The following MAN1C1 variants were observed in gnomAD, a reference collection of about 807,000 sequenced individuals.
MAN1C1 encodes mannosidase alpha class 1C member 1, also known as mannosyl-oligosaccharide 1,2-alpha-mannosidase IC.
Under a neutral mutation model 71.5 loss-of-function variants are expected in MAN1C1, and 49 were observed. That is an observed-to-expected ratio of 0.69 (90% confidence interval 0.54 to 0.87). The LOEUF (loss-of-function observed/expected upper bound fraction) is 0.87. Among genes scored for constraint, MAN1C1 ranks in the 40% least tolerant of loss-of-function variants. MAN1C1 has a pLI of 0.00. For missense variants in MAN1C1, 743 were observed against 835.0 expected (o/e 0.89, Z 1.36); for synonymous variants, 352 against 343.7 (o/e 1.02, Z -0.27).
chr1:25,727,057 CA>C (rs1296488696), intron 2 of MAN1C1, among the ~76,000 whole-genome samples: 8 of 145,826 alleles, frequency 5.5e-5, no homozygotes, highest in Admixed American at 1.4e-4. Context: ...ACCCTGTTTC[CA>C]AAAAAAAAAG....
At chr1:25,724,710 C>A (rs552869171) in intron 2 of MAN1C1, among the ~76,000 whole-genome samples, 19 of 152,290 alleles carry the variant, frequency 1.2e-4, no homozygotes, top group Admixed American at 8.5e-4. Context: ...GGCTCCGGAA[C>A]AGAGCACACC....
chr1:25,713,925 C>G (rs2046646306), intron 2 of MAN1C1, among the ~76,000 whole-genome samples: 1 of 152,206 alleles, frequency 6.6e-6, no homozygotes, highest in Admixed American at 6.5e-5. Context: ...TTAAATCAAC[C>G]TTCGTGTTTC....
rs139431621 is a variant in MAN1C1, at chr1:25,735,238, C to T, written c.638-11430C>T. On this transcript the variant is annotated intron_variant, in intron 2 of 11. Coordinates refer to ENST00000374332, the MANE Select transcript of MAN1C1 (RefSeq NM_020379.4). This position sits in a 1 kb window ranked among gnomAD's most constrained non-coding sequence, Gnocchi z 4.6. ...TTTGAGACAAGCCTGGCCAACATGGCGAATCCCCACCTCTGCCAAAAACAC... is the reference window on the plus strand; with the variant it reads ...TTTGAGACAAGCCTGGCCAACATGGTGAATCCCCACCTCTGCCAAAAACAC... 4.6e-4 allele frequency among the ~76,000 whole-genome samples: 70 copies of T among 152,242 alleles called. 1 individual carries two copies. In the East Asian group the frequency reaches 0.013, roughly 29 times the overall value.
chr1:25,673,990 T>C (rs1049596223), intron 1 of MAN1C1, among the ~76,000 whole-genome samples: 3 of 152,224 alleles, frequency 2.0e-5, no homozygotes, highest in African/African-American at 7.2e-5. Context: ...CCACTGTCAC[T>C]CATCTTTGTC....
chr1:25,770,142 T>C (rs2047530573), intron 7 of MAN1C1, among the ~76,000 whole-genome samples: 1 of 152,150 alleles, frequency 6.6e-6, no homozygotes, highest in South Asian at 2.1e-4. Flanking sequence ...GCCCAGCCCT[T>C]CTCTTCTGTG....
At chr1:25,717,488 G>A (rs902034739) in intron 2 of MAN1C1, among the ~76,000 whole-genome samples, 4 of 152,056 alleles carry the variant, frequency 2.6e-5, no homozygotes, top group Non-Finnish European at 4.4e-5. Context: ...ATACTACTGC[G>A]GTCCAACCTA....
At chr1:25,727,165 G>C (rs931950338) in intron 2 of MAN1C1, among the ~76,000 whole-genome samples, 13 of 152,306 alleles carry the variant, frequency 8.5e-5, no homozygotes, top group African/African-American at 2.9e-4. Flanking sequence ...TTACTACCCA[G>C]TGGACTAGCT....
At chr1:25,701,372 G>T (rs531710229) in intron 2 of MAN1C1, among the ~76,000 whole-genome samples, 1 of 152,354 alleles carries the variant, frequency 6.6e-6, no homozygotes, top group Non-Finnish European at 1.5e-5. Flanking sequence ...ACCCCTTCCT[G>T]TGAGTTTCAT....
rs6688790 is a variant in MAN1C1, at chr1:25,782,215, C to T, written c.1651-370C>T. Among the ~76,000 whole-genome samples the T allele has an allele frequency of 0.55, 84,259 of 152,052 alleles. 24,717 individuals carry two copies. Among genetic ancestry groups the T allele is most frequent in the Middle Eastern group, 0.78 (228 of 294 alleles). On this transcript the variant is annotated intron_variant, in intron 10 of 11. Transcript: ENST00000374332. This position sits in a 1 kb window ranked among gnomAD's most constrained non-coding sequence, Gnocchi z 4.4. The stretch of plus-strand genomic sequence containing the variant: ...CAAATCCCAGCCCATGGCCATCACC[C>T]GTGGCTTCTCTTCACCTCTGCCTAC...
intron 5 of MAN1C1, among the ~76,000 whole-genome samples, chr1:25,756,003 CACTT>C (rs1488798415): frequency 1.3e-5 from 2 of 152,188 alleles, no homozygotes; most frequent in East Asian, 3.9e-4. Context: ...TCAGTTCTAC[CACTT>C]ACTCTGTGGC....
Position 25,753,803 on chromosome 1 carries a change from C to T in MAN1C1, c.929+225C>T, listed in dbSNP as rs901755624. 3.9e-5 allele frequency among the ~76,000 whole-genome samples: 6 copies of T among 152,246 alleles called. 1 individual carries two copies. Among genetic ancestry groups the T allele is most frequent in the Middle Eastern group, 6.8e-3 (2 of 294 alleles). On this transcript the variant is annotated intron_variant, in intron 5 of 11. Transcript: ENST00000374332. This position sits in a 1 kb window ranked among gnomAD's most constrained non-coding sequence, Gnocchi z 4.9. ...TGGGAGCCACAGTGAGTCGGTGGCACGGTGAAAGTGCCAGCGACTTCCCTG... is the reference window on the plus strand; with the variant it reads ...TGGGAGCCACAGTGAGTCGGTGGCATGGTGAAAGTGCCAGCGACTTCCCTG...
intron 2 of MAN1C1, among the ~76,000 whole-genome samples, chr1:25,722,182 T>A (rs1054886179): frequency 6.6e-6 from 1 of 152,232 alleles, no homozygotes; most frequent in Non-Finnish European, 1.5e-5. Context: ...ATGTGAACTG[T>A]CTTTTCCCTG....
At chr1:25,655,994 C>T (rs1440974234) in intron 1 of MAN1C1, among the ~76,000 whole-genome samples, 1 of 151,510 alleles carries the variant, frequency 6.6e-6, no homozygotes, top group African/African-American at 2.4e-5. Context: ...GAGTATAGGC[C>T]CTGGATTCAG....
intron 8 of MAN1C1, 155 bp downstream of exon 8, chr1:25,771,927 C>T: frequency 1.6e-6 from 1 of 618,050 alleles, no homozygotes. Context: ...AGGACAGTCC[C>T]CTCCCAGCCA....
intron 1 of MAN1C1, among the ~76,000 whole-genome samples, chr1:25,684,438 G>A (rs747953889): frequency 3.3e-5 from 5 of 152,154 alleles, no homozygotes; most frequent in South Asian, 2.1e-4. Flanking sequence ...GGCCAAGCCT[G>A]GGGGGGTGTC....
intron 6 of MAN1C1, chr1:25,758,915 A>G (rs980861474): frequency 1.7e-6 from 1 of 573,632 alleles, no homozygotes; most frequent in African/African-American, 1.9e-5. Flanking sequence ...ACGCAGAGTC[A>G]ATAAGATTCT....
At chr1:25,658,444 A>C (rs2045799480) in intron 1 of MAN1C1, among the ~76,000 whole-genome samples, 1 of 152,092 alleles carries the variant, frequency 6.6e-6, no homozygotes. Flanking sequence ...AGACACATCC[A>C]AACTTGCTGC....
At chr1:25,771,521 G>A (rs1021667779) in intron 7 of MAN1C1, 136 bp from the exon 8 acceptor site, 16 of 648,662 alleles carry the variant, frequency 2.5e-5, no homozygotes, top group African/African-American at 5.5e-5. Flanking sequence ...TTCCAGGTTC[G>A]GTGGCTGCTG....
At chr1:25,637,487 G>A (rs931198661) in intron 1 of MAN1C1, among the ~76,000 whole-genome samples, 5 of 152,132 alleles carry the variant, frequency 3.3e-5, no homozygotes, top group Middle Eastern at 3.2e-3. Flanking sequence ...GTCTATATTG[G>A]CAAATGTTCC....
Sources: gnomAD v4.1 joint callset for allele counts (sites outside exome capture counted in the v4.1 genomes callset) on GRCh38, gnomAD v4.1.1 for gene constraint, Gnocchi (gnomAD v3.1) non-coding constraint, MANE v1.5 for transcripts, NCBI Gene and HGNC (gene_info 2026-07-23, HGNC 2026-07-21) for gene names.